Variants in BMP6 observed in about 807,000 individuals in gnomAD.
BMP6 encodes VG-1-R.
Under a neutral mutation model 54.1 loss-of-function variants are expected in BMP6, and 17 were observed. That is an observed-to-expected ratio of 0.31 (90% CI 0.22 to 0.47). The LOEUF (loss-of-function observed/expected upper bound fraction) is 0.47. BMP6 is among the 20% of genes least tolerant of loss of function. BMP6 has a pLI of 1.00. For missense variants in BMP6, 720 were observed against 690.4 expected, an observed-to-expected ratio of 1.04 and a Z score of -0.48; for synonymous variants, 328 against 291.2, an observed-to-expected ratio of 1.13 and a Z score of -1.28.
At chr6:7,766,470 T>C (rs1284152490) in intron 1 of BMP6, among the ~76,000 whole-genome samples, 17 of 152,090 alleles carry the variant, frequency 1.1e-4, no homozygotes. Context: ...TTTAAAAAAT[T>C]AACCAGATGT....
intron 1 of BMP6, among the ~76,000 whole-genome samples, chr6:7,750,290 T>C (rs1757402624): frequency 6.6e-6 from 1 of 152,208 alleles, no homozygotes; most frequent in South Asian, 2.1e-4. Flanking sequence ...AAGAGCATGC[T>C]GTTCCAAAGG....
At chr6:7,779,865 G>A (rs116429774) in intron 1 of BMP6, among the ~76,000 whole-genome samples, 1,577 of 152,214 alleles carry the variant, frequency 0.01, 22 homozygotes, top group African/African-American at 0.036. Context: ...ATGAGAAACA[G>A]CCTTTTCCTG....
chr6:7,848,460 A>G (rs1403717254), intron 2 of BMP6, among the ~76,000 whole-genome samples: 2 of 152,082 alleles, frequency 1.3e-5, no homozygotes. Context: ...CTATGTGAAG[A>G]CAGTTTTAGA....
At chr6:7,880,135 A>G (rs764574165) in intron 6 of BMP6, 34 bp downstream of exon 6, 12 of 1,613,928 alleles carry the variant, frequency 7.4e-6, no homozygotes, top group Non-Finnish European at 1.0e-5. Flanking sequence ...TGTAAGTGGG[A>G]GTAAGCCAAG....
chr6:7,727,042 G>A lies in BMP6; in HGVS notation c.87G>A (p.Pro29=). The change falls in exon 1 of 7, where the codon CCG becomes CCA. Residue 29 remains proline (P), a synonymous_variant. Coordinates refer to ENST00000283147, the MANE Select transcript of BMP6 (RefSeq NM_001718.6). ...CSCCGPPPLR[P]PLPAAAAAAA... ...GCTGCGGGCCCCCGCCGCTGCGGCC[G>A]CCCTTGCCCGCTGCCGCGGCCGCCG... is the stretch of plus-strand genomic sequence containing the variant. The A allele has an allele frequency of 2.6e-6, 3 of 1,147,392 alleles. No individual in the cohort carries two copies. The highest frequency in any genetic ancestry group is 2.1e-6 in the Non-Finnish European group (2 of 935,418). The allele number at this position is 1,147,392 out of a possible 1,614,324, so 71.1% of individuals were successfully genotyped here.
At chr6:7,864,668 G>A (rs971664645) in intron 4 of BMP6, among the ~76,000 whole-genome samples, 11 of 152,110 alleles carry the variant, frequency 7.2e-5, no homozygotes, top group African/African-American at 2.7e-4. Flanking sequence ...CCAGTAACTT[G>A]GATGTGGAGC....
intron 1 of BMP6, among the ~76,000 whole-genome samples, chr6:7,800,377 A>C (rs1360200326): frequency 6.6e-6 from 1 of 152,224 alleles, no homozygotes; most frequent in Non-Finnish European, 1.5e-5. Context: ...AAAATTTTGT[A>C]GATAATCAAT....
Position 7,862,450 on chromosome 6 carries a change from A to G in BMP6, c.1156A>G (p.Asn386Asp), listed in dbSNP as rs1424692597. The change falls in exon 4 of 7, where the codon AAT (asparagine) becomes GAT (aspartate). Residue 386 changes from asparagine (N) to aspartate (D), a missense_variant. This residue lies in a region of BMP6 where 650 missense variants were observed against 556.3 expected (regional missense o/e 1.17). Transcript: ENST00000283147. ...ASSRRRQQSR[N>D]RSTQSQDVAR... ...CAGCCGGCGCCGACAACAGAGTCGT[A>G]ATCGCTCTACCCAGTCCCAGGACGT... 2 of 1,614,200 alleles carry G rather than the reference A, an allele frequency of 1.2e-6. No individual in the cohort carries two copies. The highest frequency in any genetic ancestry group is 1.7e-6 in the Non-Finnish European group (2 of 1,180,046).
At chr6:7,830,146 C>A (rs922297037) in intron 1 of BMP6, among the ~76,000 whole-genome samples, 1 of 151,540 alleles carries the variant, frequency 6.6e-6, no homozygotes, top group Admixed American at 6.6e-5. Context: ...GGCAAGAGCA[C>A]CCCCCCTCTC....
At position 7,736,125 on chromosome 6, in the gene BMP6, TTTTC is replaced by T. The variant is rs1429690976; in HGVS notation, c.664+8514_664+8517del. On this transcript the variant is annotated intron_variant, in intron 1 of 6. Coordinates refer to ENST00000283147, the MANE Select transcript of BMP6 (RefSeq NM_001718.6). ...AACAAATCCATCAGAAATCTTTCTTTTTTCTTTCTTTGTTTTTAAGTCTAGGAGT... is the reference window on the plus strand; with the variant it reads ...AACAAATCCATCAGAAATCTTTCTTTTTTCTTTGTTTTTAAGTCTAGGAGT... Among the ~76,000 whole-genome samples the T allele has an allele frequency of 2.6e-5, 4 of 152,328 alleles. No individual in the cohort carries two copies. In the East Asian group the frequency reaches 7.7e-4, roughly 29 times the overall value.
intron 2 of BMP6, among the ~76,000 whole-genome samples, chr6:7,859,897 G>C (rs1443126840): frequency 6.6e-6 from 1 of 152,146 alleles, no homozygotes; most frequent in African/African-American, 2.4e-5. Context: ...CTCACTTTAA[G>C]TGGCCATGGA....
chr6:7,814,890 C>G (rs1758503384), intron 1 of BMP6, among the ~76,000 whole-genome samples: 1 of 152,056 alleles, frequency 6.6e-6, no homozygotes, highest in Admixed American at 6.5e-5. Context: ...ACCTAGGTGA[C>G]AGGTTGGTAG....
At chr6:7,813,458 C>CAAAAAAAAAAAAA (rs58314970) in intron 1 of BMP6, among the ~76,000 whole-genome samples, 1 of 64,358 alleles carries the variant, frequency 1.6e-5, no homozygotes, top group African/African-American at 6.4e-5. Flanking sequence ...CCTGTCTCTA[C>CAAAAAAAAAAAAA]AAAAAAAAAA....
chr6:7,774,377 C>A (rs1010889773), intron 1 of BMP6, among the ~76,000 whole-genome samples: 7 of 152,194 alleles, frequency 4.6e-5, no homozygotes, highest in African/African-American at 1.7e-4. Context: ...TGTCGAAGCC[C>A]CGTCTCTACT....
chr6:7,783,126 G>T (rs1757972230), intron 1 of BMP6, among the ~76,000 whole-genome samples: 1 of 152,176 alleles, frequency 6.6e-6, no homozygotes, highest in African/African-American at 2.4e-5. Flanking sequence ...GAAAGGGTTT[G>T]CACTGGAGAG....
rs1383192493 is a variant in BMP6 at position 7,880,380 on chromosome 6, G to C, written c.*37G>C. 1 of 1,611,106 alleles carries C rather than the reference G, an allele frequency of 6.2e-7. No individual in the cohort carries two copies. The highest frequency in any genetic ancestry group is 8.5e-7 in the Non-Finnish European group (1 of 1,177,808). ...ATGCTGGGGACACACATTCTGCCTT[G>C]GATTCCTAGATTACATCTGCCTTAA... On this transcript the variant is annotated 3_prime_UTR_variant, in exon 7 of 7. Transcript: ENST00000283147.
chr6:7,737,144 C>T (rs573465045), intron 1 of BMP6, among the ~76,000 whole-genome samples: 1 of 152,036 alleles, frequency 6.6e-6, no homozygotes, highest in South Asian at 2.1e-4. Context: ...CAGGACTGCA[C>T]CACTGCACTC....
rs1271732710 is a variant in BMP6, at chr6:7,727,477, GC to G, written c.527del (p.Pro176ArgfsTer25). The G allele has an allele frequency of 1.3e-6, 2 of 1,593,138 alleles. No homozygotes were observed. The highest frequency in any genetic ancestry group is 8.5e-7 in the Non-Finnish European group (1 of 1,174,640). ...CCAGCTCGTCCCAGCGTCGGCAGCC[GC>G]CCCCGGGCGCCGCGCACCCGCTCAA... ...AASSSQRRQP[P>X]PGAAHPLNRK... is the part of the protein sequence containing the mutation. On this transcript the variant is annotated frameshift_variant, in exon 1 of 7. Transcript: ENST00000283147. LOFTEE classifies it high-confidence loss of function.
At position 7,856,595 on chromosome 6, in the gene BMP6, A is replaced by ATTTTTTTTTTT. The variant is rs70982115; in HGVS notation, c.858-4847_858-4837dup. On this transcript the variant is annotated intron_variant, in intron 2 of 6. Transcript: ENST00000283147. ...ATATAAATGCCAGTTTATCAAGAGC[A>ATTTTTTTTTTT]TTTTTTTTTTTTTTTTTTTGAGACG... is the stretch of plus-strand genomic sequence containing the variant. Among the ~76,000 whole-genome samples, 23 of 83,052 alleles carry ATTTTTTTTTTT rather than the reference A, an allele frequency of 2.8e-4. 1 individual carries two copies. Among genetic ancestry groups the ATTTTTTTTTTT allele is most frequent in the African/African-American group, 1.1e-3 (21 of 19,160 alleles). 54.5% of individuals were successfully genotyped at this position (83,052 alleles called of 152,430 possible).
Sources: allele counts gnomAD v4.1 joint callset (sites outside exome capture counted in the v4.1 genomes callset), GRCh38; gene constraint gnomAD v4.1.1; regional missense constraint gnomAD v4.1.1; transcripts MANE v1.5; gene names NCBI Gene and HGNC (gene_info 2026-07-23, HGNC 2026-07-21).